The following CHUK variants were observed in gnomAD, a reference collection of about 807,000 sequenced individuals.
CHUK encodes inhibitor of nuclear factor kappa-B kinase subunit alpha.
In CHUK, 35 loss-of-function variants were observed where a neutral mutation model predicts 104.8. The observed-to-expected ratio is 0.33, with a 90% CI of 0.26 to 0.44. CHUK has a LOEUF of 0.44. Among genes scored for constraint, CHUK ranks in the 20% least tolerant of loss-of-function variants. The pLI, the probability that CHUK is intolerant of heterozygous loss-of-function variation, is 1.00. For missense variants in CHUK, 663 were observed against 902.7 expected (o/e 0.73, Z 3.40); for synonymous variants, 276 against 291.9 (o/e 0.95, Z 0.56).
At chr10:100,216,302 T>C (rs1418903169) in intron 9 of CHUK, among the ~76,000 whole-genome samples, 1 of 152,176 alleles carries the variant, frequency 6.6e-6, no homozygotes, top group Non-Finnish European at 1.5e-5. Context: ...CACTGAGGGA[T>C]AATTTATTCT....
chr10:100,193,949 A>T, intron 18 of CHUK, 35 bp downstream of exon 18: 1 of 1,584,304 alleles, frequency 6.3e-7, no homozygotes, highest in Non-Finnish European at 8.7e-7. Flanking sequence ...TAGCAACTCA[A>T]TGTCACATTA....
chr10:100,201,843 AC>A (rs1243311566), intron 14 of CHUK, among the ~76,000 whole-genome samples: 1 of 152,156 alleles, frequency 6.6e-6, no homozygotes, highest in African/African-American at 2.4e-5. Flanking sequence ...ACAGAGTGAG[AC>A]CCTGTTTCAA....
chr10:100,190,804 T>C, intron 20 of CHUK, 65 bp downstream of exon 20: 1 of 894,252 alleles, frequency 1.1e-6, no homozygotes, highest in Non-Finnish European at 1.9e-6. Context: ...AAGGCTAGCA[T>C]GGAAAGTTAA....
intron 16 of CHUK, among the ~76,000 whole-genome samples, chr10:100,197,160 T>C (rs1845351651): frequency 6.6e-6 from 1 of 152,242 alleles, no homozygotes; most frequent in Admixed American, 6.5e-5. Flanking sequence ...AGCAAGTGAC[T>C]GTACTGAATA....
At chr10:100,196,013 A>T (rs1436074905) in intron 16 of CHUK, 1 of 152,160 alleles carries the variant, frequency 6.6e-6, no homozygotes, top group African/African-American at 2.4e-5. Context: ...GTCTTGGTTC[A>T]CTGCAACCTC....
intron 14 of CHUK, among the ~76,000 whole-genome samples, chr10:100,201,367 G>C (rs1845458096): frequency 6.6e-6 from 1 of 152,050 alleles, no homozygotes; most frequent in Admixed American, 6.6e-5. Flanking sequence ...TGTCCAAACC[G>C]GCATAATTTT....
At position 100,223,087 on chromosome 10, in the gene CHUK, C is replaced by T. The variant is rs538793968; in HGVS notation, c.201-107G>A. 1.2e-4 allele frequency: 79 copies of T among 639,176 alleles called. 1 individual carries two copies. The South Asian group carries it at 1.2e-3, about 10-fold the overall frequency. 39.6% of individuals were successfully genotyped at this position (639,176 alleles called of 1,614,324 possible). A position where few individuals can be genotyped will look rare whatever the true frequency, so the allele number is the denominator to read the frequency against. Reference sequence around the variant, plus strand: ...GGTGGATGAACAGAGGGGGAAAGATCAGTATTATTTATAATATTCTAATTT... The same window carrying T: ...GGTGGATGAACAGAGGGGGAAAGATTAGTATTATTTATAATATTCTAATTT... On this transcript the variant is annotated intron_variant, in intron 2 of 20. Transcript: ENST00000370397.
At chr10:100,228,989 GCGCGCA>G (rs1245676681) in intron 1 of CHUK, among the ~76,000 whole-genome samples, 25 of 73,834 alleles carry the variant, frequency 3.4e-4, no homozygotes, top group African/African-American at 9.8e-4. Flanking sequence ...GCGCGCGCGC[GCGCGCA>G]CACACACACA....
At chr10:100,197,682 C>T (rs1037295263) in intron 16 of CHUK, among the ~76,000 whole-genome samples, 18 of 152,086 alleles carry the variant, frequency 1.2e-4, no homozygotes, top group African/African-American at 4.3e-4. Context: ...ACTGCATTTC[C>T]TCAGACATGC....
intron 16 of CHUK, chr10:100,195,528 C>T (rs540894905): frequency 2.6e-5 from 4 of 152,396 alleles, no homozygotes; most frequent in African/African-American, 9.6e-5. Context: ...CAAAAAGGTT[C>T]TTCTCCAAAC....
At chr10:100,199,443 C>T (rs1845412454) in intron 16 of CHUK, among the ~76,000 whole-genome samples, 1 of 152,214 alleles carries the variant, frequency 6.6e-6, no homozygotes, top group African/African-American at 2.4e-5. Flanking sequence ...TCTCCTGCCT[C>T]ATCCTCCCAA....
chr10:100,204,830 A>G (rs976695750), intron 12 of CHUK, among the ~76,000 whole-genome samples, 173 bp from the exon 13 acceptor site: 1 of 152,240 alleles, frequency 6.6e-6, no homozygotes, highest in African/African-American at 2.4e-5. Context: ...CTTCCTGCCT[A>G]TAATATTTTG....
chr10:100,223,984 G>C (rs1165137725), intron 2 of CHUK, among the ~76,000 whole-genome samples: 1 of 152,184 alleles, frequency 6.6e-6, no homozygotes, highest in African/African-American at 2.4e-5. Flanking sequence ...GCTGTACTTA[G>C]TGACTCACTG....
Position 100,204,588 on chromosome 10 carries a change from T to C in CHUK, c.1425A>G (p.Gln475=). Reference sequence around the variant, plus strand: ...GAAAAAACTCCAATTTAGCTTTCAGTTGTTGTGATGCTGAGATCAAAGTGT... The same window carrying C: ...GAAAAAACTCCAATTTAGCTTTCAGCTGTTGTGATGCTGAGATCAAAGTGT... The part of the protein sequence containing the change: ...MKNTLISASQ[Q]LKAKLEFFHK... The change falls in exon 13 of 21, where the codon CAA becomes CAG. Residue 475 remains glutamine (Q), a synonymous_variant. Transcript: ENST00000370397. The C allele has an allele frequency of 6.2e-7, 1 of 1,613,446 alleles. No individual in the cohort carries two copies. Among genetic ancestry groups the C allele is most frequent in the Admixed American group, 1.7e-5 (1 of 60,018 alleles).
chr10:100,201,747 G>A (rs1845467834), intron 14 of CHUK, among the ~76,000 whole-genome samples: 1 of 152,164 alleles, frequency 6.6e-6, no homozygotes, highest in African/African-American at 2.4e-5. Context: ...CAGCTACACA[G>A]GAGGCTAAGA....
intron 4 of CHUK, among the ~76,000 whole-genome samples, 159 bp downstream of exon 4, chr10:100,221,953 A>T (rs893042977): frequency 6.6e-6 from 1 of 152,198 alleles, no homozygotes; most frequent in Admixed American, 6.5e-5. Flanking sequence ...CCTAGTTTTA[A>T]TTTAGCATCA....
chr10:100,213,247 A>G (rs1845771077), intron 9 of CHUK, among the ~76,000 whole-genome samples: 1 of 152,022 alleles, frequency 6.6e-6, no homozygotes, highest in African/African-American at 2.4e-5. Flanking sequence ...TTGGGAGGCC[A>G]AGACAGGTAG....
chr10:100,222,133 G>A lies in CHUK; in HGVS notation c.364C>T (p.Leu122Phe), dbSNP rs772045077. The change falls in exon 4 of 21, where the codon CTT becomes TTT. Residue 122 changes from leucine to phenylalanine, a missense_variant. Physicochemically the swap from Leu to Phe is conservative, Grantham distance 22. Coordinates refer to ENST00000370397, the MANE Select transcript of CHUK (RefSeq NM_001278.5). ...GTACCTATATCACTTAGTAAAGAAA[G>A]TATCTGGCTTTCTTTAAGTCCACAA... ...NCCGLKESQI[L>F]SLLSDIGSGI... The A allele has an allele frequency of 5.7e-6, 9 of 1,582,998 alleles. No individual in the cohort carries two copies. Among genetic ancestry groups the A allele is most frequent in the Non-Finnish European group, 7.8e-6 (9 of 1,152,944 alleles).
At chr10:100,225,302 T>G (rs1440445784) in intron 2 of CHUK, among the ~76,000 whole-genome samples, 1 of 152,254 alleles carries the variant, frequency 6.6e-6, no homozygotes, top group East Asian at 1.9e-4. Flanking sequence ...TTTCTTTCAC[T>G]GTGAGTTTGA....
Sources: allele counts gnomAD v4.1 joint callset (sites outside exome capture counted in the v4.1 genomes callset), GRCh38; gene constraint gnomAD v4.1.1; transcripts MANE v1.5; gene names NCBI Gene and HGNC (gene_info 2026-07-23, HGNC 2026-07-21).